ATP6AP1: variants seen among roughly 807,000 people sequenced by gnomAD.
ATP6AP1 encodes V-type proton ATPase subunit S1.
ATP6AP1 carries 1 observed loss-of-function variant against 32.0 expected under a neutral mutation model. The ratio of observed to expected loss-of-function variants is 0.03; its 90% confidence interval spans 0.01 to 0.15. The LOEUF is 0.15. Ranked by LOEUF, ATP6AP1 falls within the 10% of genes least tolerant of loss-of-function variation. ATP6AP1 has a pLI of 1.00. For missense variants in ATP6AP1, 297 were observed against 398.8 expected (o/e 0.74, Z 2.17); for synonymous variants, 187 against 174.9 (o/e 1.07, Z -0.55).
At position 154,433,720 on chromosome X, in the gene ATP6AP1, G is replaced by C; in HGVS notation, c.684G>C (p.Arg228Ser). The change falls in exon 6 of 10, where the codon AGG becomes AGC. Residue 228 changes from arginine to serine, a missense_variant and splice_region_variant. Arg to Ser is a moderately radical substitution (Grantham distance 110, BLOSUM62 -1). Around this residue, in one of 2 missense-constraint regions of ATP6AP1, gnomAD observed 155 missense variants for 253.8 expected, o/e 0.61. Transcript: ENST00000369762. ...TAALTAVRPS[R>S]VARDVAVVAG... Reference sequence around the variant, plus strand: ...CCCTCACAGCGGTCCGCCCTTCCAGGGTATGTGCCCTTCCAGCAGGGGCTC... The same window carrying C: ...CCCTCACAGCGGTCCGCCCTTCCAGCGTATGTGCCCTTCCAGCAGGGGCTC... 2 of 1,208,885 alleles carry C rather than the reference G, an allele frequency of 1.7e-6. No homozygotes were observed. Among genetic ancestry groups the C allele is most frequent in the Non-Finnish European group, 2.2e-6 (2 of 892,958 alleles).
rs782451464 is a variant in ATP6AP1, at chrX:154,434,261, A to C, written c.738A>C (p.Gln246His). The change falls in exon 7 of 10, where the codon CAA becomes CAC. Residue 246 changes from glutamine (Q) to histidine (H), a missense_variant. Gln to His is a conservative substitution (Grantham distance 24). Around this residue, in one of 2 missense-constraint regions of ATP6AP1, gnomAD observed 155 missense variants for 253.8 expected, o/e 0.61. Coordinates refer to ENST00000369762, the MANE Select transcript of ATP6AP1 (RefSeq NM_001183.6). ...GAGGGCTAGGTCGCCAGCTGCTACA[A>C]AAACAGCCAGTATCACCTGTGATCC... ...VAGGLGRQLL[Q>H]KQPVSPVIHP... The C allele has an allele frequency of 1.7e-6, 2 of 1,209,949 alleles. No individual in the cohort carries two copies. Among genetic ancestry groups the C allele is most frequent in the African/African-American group, 3.5e-5 (2 of 57,099 alleles).
chrX:154,435,174 C>T lies in ATP6AP1; in HGVS notation c.959C>T (p.Thr320Ile). 1.7e-6 allele frequency: 2 copies of T among 1,209,934 alleles called. No homozygotes were observed. The highest frequency in any genetic ancestry group is 2.2e-6 in the Non-Finnish European group (2 of 894,395). ...ACCTATGAACGACTCTTTGGTACCA[C>T]AGTGACATTCAAGTGAGTCCTGGGG... ...SLTYERLFGTTVTFKFILANR... is the reference protein window; with the variant it reads ...SLTYERLFGTIVTFKFILANR... The change falls in exon 8 of 10, where the codon ACA (threonine) becomes ATA (isoleucine). Residue 320 changes from threonine (T) to isoleucine (I), a missense_variant. Around this residue, in one of 2 missense-constraint regions of ATP6AP1, gnomAD observed 155 missense variants for 253.8 expected, o/e 0.61. Transcript: ENST00000369762.
intron 6 of ATP6AP1, among the ~76,000 whole-genome samples, chrX:154,433,939 G>A (rs2068706629): frequency 8.9e-6 from 1 of 111,937 alleles, no homozygotes; most frequent in Non-Finnish European, 1.9e-5. Flanking sequence ...CATTCCAGGG[G>A]CAGCTTTCCA....
intron 5 of ATP6AP1, 33 bp downstream of exon 5, chrX:154,433,004 T>C (rs1229243277): frequency 4.2e-6 from 5 of 1,203,929 alleles, no homozygotes; most frequent in Non-Finnish European, 5.6e-6. Flanking sequence ...CACGTCCTCA[T>C]CTAGCCCTTG....
In ATP6AP1 at chrX:154,429,128, C is replaced by T. The variant is rs2068680981; in HGVS notation, c.242C>T (p.Ala81Val). The change falls in exon 2 of 10, where the codon GCC becomes GTC. Residue 81 changes from alanine (A) to valine (V), a missense_variant. Around this residue, in one of 2 missense-constraint regions of ATP6AP1, gnomAD observed 142 missense variants for 145.0 expected, o/e 0.98. Coordinates refer to ENST00000369762, the MANE Select transcript of ATP6AP1 (RefSeq NM_001183.6). ...DLQLSTYLDP[A>V]LELGPRNVLL... ...CAGCTCTCTACCTACTTAGATCCCG[C>T]CCTGGAGCTGGGTCCCAGGAATGTG... 1 of 1,211,851 alleles carries T rather than the reference C, an allele frequency of 8.3e-7. No individual in the cohort carries two copies. Among genetic ancestry groups the T allele is most frequent in the African/African-American group, 1.7e-5 (1 of 57,844 alleles).
Position 154,436,002 on chromosome X carries a change from C to A in ATP6AP1, c.*111C>A. ...CCTCTTCCTACTGCAGCATGAACTG[C>A]AAGCTCCCCTCAGCCCATCTTGCTC... On this transcript the variant is annotated 3_prime_UTR_variant, in exon 10 of 10. Coordinates refer to ENST00000369762, the MANE Select transcript of ATP6AP1 (RefSeq NM_001183.6). 1.3e-6 allele frequency: 1 copy of A among 768,225 alleles called. No individual in the cohort carries two copies. The highest frequency in any genetic ancestry group is 1.9e-6 in the Non-Finnish European group (1 of 519,320). 63.3% of individuals were successfully genotyped at this position (768,225 alleles called of 1,213,427 possible). A position where few individuals can be genotyped will look rare whatever the true frequency, so the allele number is the denominator to read the frequency against.
Position 154,434,427 on chromosome X carries a change from T to A in ATP6AP1, c.904T>A (p.Trp302Arg). 8.3e-7 allele frequency: 1 copy of A among 1,211,198 alleles called. No individual in the cohort carries two copies. The highest frequency in any genetic ancestry group is 1.1e-6 in the Non-Finnish European group (1 of 894,801). ...VQELNLTGSF[W>R]NDSFARLSLT... is the part of the protein sequence containing the mutation. ...GGAACTCAACCTGACTGGCTCCTTC[T>A]GGAATGACTCCTTTGCCAGGCAAGG... The change falls in exon 7 of 10, where the codon TGG becomes AGG. Residue 302 changes from tryptophan (W) to arginine (R), a missense_variant. Trp to Arg is a moderately radical substitution (Grantham distance 101). This residue lies in a region of ATP6AP1 where 155 missense variants were observed against 253.8 expected (regional missense o/e 0.61). Transcript: ENST00000369762.
intron 2 of ATP6AP1, chrX:154,431,532 G>A (rs1449356555): frequency 3.6e-5 from 9 of 252,205 alleles, no homozygotes; most frequent in African/African-American, 2.8e-4. Flanking sequence ...CCTCTTGTCT[G>A]TAGGGTGGGC....
At chrX:154,431,413 G>A (rs1245054067) in intron 2 of ATP6AP1, 5 of 150,149 alleles carry the variant, frequency 3.3e-5, no homozygotes, top group Non-Finnish European at 6.4e-5. Flanking sequence ...GGAGGGTCCC[G>A]TCCAGACTGG....
rs1334387775 is a variant in ATP6AP1 at position 154,436,197 on chromosome X, A to G, written c.*306A>G. ...TCTCCTTATTTATTCTTGTGGCTAC[A>G]TCATCCCTGGCTGTGGATAGTGCTT... On this transcript the variant is annotated 3_prime_UTR_variant, in exon 10 of 10. Coordinates refer to ENST00000369762, the MANE Select transcript of ATP6AP1 (RefSeq NM_001183.6). 3 of 327,795 alleles carry G rather than the reference A, an allele frequency of 9.2e-6. No homozygotes were observed. The highest frequency in any genetic ancestry group is 1.6e-5 in the Non-Finnish European group (3 of 187,324). 27.0% of individuals were successfully genotyped at this position (327,795 alleles called of 1,213,427 possible).
chrX:154,431,100 G>A (rs1235166353), intron 2 of ATP6AP1: 1 of 111,054 alleles, frequency 9.0e-6, no homozygotes, highest in Non-Finnish European at 1.9e-5. Flanking sequence ...GAGAACCCCG[G>A]TGGCCAAACA....
intron 2 of ATP6AP1, chrX:154,431,401 G>C (rs1557196743): frequency 7.2e-6 from 1 of 138,771 alleles, no homozygotes; most frequent in African/African-American, 3.2e-5. Context: ...AAGCAGGTGG[G>C]GGGAGGGTCC....
intron 7 of ATP6AP1, 52 bp from the exon 8 acceptor site, chrX:154,435,087 G>T: frequency 4.2e-6 from 5 of 1,178,532 alleles, no homozygotes; most frequent in Non-Finnish European, 4.6e-6. Context: ...CCTCTAAGAT[G>T]CCAAAGGCCC....
At chrX:154,432,746 C>T (rs1388710972) in intron 4 of ATP6AP1, among the ~76,000 whole-genome samples, 185 bp from the exon 5 acceptor site, 1 of 111,751 alleles carries the variant, frequency 8.9e-6, no homozygotes. Context: ...AGCAGGTGGC[C>T]AGGACTTGAG....
In ATP6AP1 at chrX:154,435,998, A is replaced by C. The variant is rs1217000113; in HGVS notation, c.*107A>C. On this transcript the variant is annotated 3_prime_UTR_variant, in exon 10 of 10. Transcript: ENST00000369762. Reference sequence around the variant, plus strand: ...CTTCCCTCTTCCTACTGCAGCATGAACTGCAAGCTCCCCTCAGCCCATCTT... The same window carrying C: ...CTTCCCTCTTCCTACTGCAGCATGACCTGCAAGCTCCCCTCAGCCCATCTT... 2.0e-5 allele frequency: 16 copies of C among 786,582 alleles called. No homozygotes were observed. The highest frequency in any genetic ancestry group is 2.8e-5 in the Non-Finnish European group (15 of 536,112). 64.8% of individuals were successfully genotyped at this position (786,582 alleles called of 1,213,427 possible). A position where few individuals can be genotyped will look rare whatever the true frequency, so the allele number is the denominator to read the frequency against.
chrX:154,434,265 C>A lies in ATP6AP1; in HGVS notation c.742C>A (p.Gln248Lys). ...GGLGRQLLQK[Q>K]PVSPVIHPPV... ...GCTAGGTCGCCAGCTGCTACAAAAA[C>A]AGCCAGTATCACCTGTGATCCATCC... The change falls in exon 7 of 10, where the codon CAG becomes AAG. Residue 248 changes from glutamine (Q) to lysine (K), a missense_variant. Physicochemically the swap from Gln to Lys is moderately conservative, Grantham distance 53 (BLOSUM62 1). This residue lies in a region of ATP6AP1 where 155 missense variants were observed against 253.8 expected (regional missense o/e 0.61). Transcript: ENST00000369762. 8.3e-7 allele frequency: 1 copy of A among 1,211,847 alleles called. No individual in the cohort carries two copies. The highest frequency in any genetic ancestry group is 1.8e-5 in the South Asian group (1 of 56,991).
rs143004832 is a variant in ATP6AP1 at position 154,435,313 on chromosome X, G to A, written c.1011G>A (p.Arg337=). 4.7e-5 allele frequency: 57 copies of A among 1,210,216 alleles called. No homozygotes were observed. In the African/African-American group the frequency reaches 9.4e-4, roughly 20 times the overall value. ...LANRLYPVSA[R]HWFTMERLEV... The stretch of plus-strand genomic sequence containing the variant: ...ACCGCCTCTACCCAGTGTCTGCCCG[G>A]CACTGGTTTACCATGGAGCGCCTCG... The change falls in exon 9 of 10, where the codon CGG becomes CGA. Residue 337 remains arginine, a synonymous_variant. Coordinates refer to ENST00000369762, the MANE Select transcript of ATP6AP1 (RefSeq NM_001183.6).
At chrX:154,433,339 A>C (rs782222536) in intron 5 of ATP6AP1, among the ~76,000 whole-genome samples, 1 of 112,669 alleles carries the variant, frequency 8.9e-6, no homozygotes, top group South Asian at 3.7e-4. Context: ...CCCCATGGAA[A>C]GGCAGTCGTG....
intron 5 of ATP6AP1, 114 bp from the exon 6 acceptor site, chrX:154,433,521 G>A: frequency 1.3e-6 from 1 of 789,773 alleles, no homozygotes; most frequent in Non-Finnish European, 1.9e-6. Flanking sequence ...TCAGTGGAAA[G>A]TAAACACACC....
Sources: gnomAD v4.1 joint callset for allele counts (sites outside exome capture counted in the v4.1 genomes callset) on GRCh38, gnomAD v4.1.1 for gene constraint, gnomAD v4.1.1 regional missense constraint, MANE v1.5 for transcripts, NCBI Gene and HGNC (gene_info 2026-07-23, HGNC 2026-07-21) for gene names.